Variants in EIF3G observed in about 807,000 individuals in gnomAD.
EIF3G encodes the protein eukaryotic translation initiation factor 3 RNA-binding subunit.
A neutral mutation model predicts 41.7 loss-of-function variants in EIF3G; 10 were observed. The observed-to-expected ratio is 0.24, with a 90% CI of 0.15 to 0.41. The LOEUF is 0.41. Among genes scored for constraint, EIF3G ranks in the 10% least tolerant of loss-of-function variants. EIF3G has a pLI of 1.00. For missense variants in EIF3G, 297 were observed against 444.0 expected (o/e 0.67, Z 2.98); for synonymous variants, 204 against 172.5 (o/e 1.18, Z -1.43).
intron 2 of EIF3G, 52 bp from the exon 3 acceptor site, chr19:10,119,223 C>A: frequency 6.5e-7 from 1 of 1,539,688 alleles, no homozygotes; most frequent in East Asian, 2.4e-5. Flanking sequence ...CAGGAGCTCC[C>A]CAGCTGCGAT....
Position 10,118,737 on chromosome 19 carries a change from G to A in EIF3G, c.241-10C>T, listed in dbSNP as rs2089280212. On this transcript the variant is annotated splice_polypyrimidine_tract_variant and intron_variant, in intron 4 of 10. Coordinates refer to ENST00000253108, the MANE Select transcript of EIF3G (RefSeq NM_003755.5). The stretch of plus-strand genomic sequence containing the variant: ...TGAAGGTGCGGACAATCTGAGGATG[G>A]GAGGGGAGAAGGGTCAGGCTCCTGG... 1 of 1,613,674 alleles carries A rather than the reference G, an allele frequency of 6.2e-7. No individual in the cohort carries two copies. The highest frequency in any genetic ancestry group is 1.3e-5 in the African/African-American group (1 of 74,862).
intron 10 of EIF3G, 74 bp from the exon 11 acceptor site, chr19:10,115,203 TGGG>T (rs1599324152): frequency 3.2e-6 from 5 of 1,565,680 alleles, no homozygotes; most frequent in African/African-American, 2.7e-5. Flanking sequence ...AGTGGCATCT[TGGG>T]GGTGGGTGGG....
Position 10,115,462 on chromosome 19 carries a change from C to A in EIF3G, c.947+17G>T. On this transcript the variant is annotated intron_variant, in intron 10 of 10. Coordinates refer to ENST00000253108, the MANE Select transcript of EIF3G (RefSeq NM_003755.5). ...ACAAGGCAGGGAGCAGGGGCTGGGGCAGGGATGGAGTCTTACTTGGCCCAC... is the reference window on the plus strand; with the variant it reads ...ACAAGGCAGGGAGCAGGGGCTGGGGAAGGGATGGAGTCTTACTTGGCCCAC... The A allele has an allele frequency of 6.3e-7, 1 of 1,594,620 alleles. No individual in the cohort carries two copies. Among genetic ancestry groups the A allele is most frequent in the Non-Finnish European group, 8.6e-7 (1 of 1,168,292 alleles).
At chr19:10,119,605 C>T in intron 2 of EIF3G, 49 bp downstream of exon 2, 2 of 1,552,780 alleles carry the variant, frequency 1.3e-6, no homozygotes, top group South Asian at 1.2e-5. Context: ...GCGGCAGTCA[C>T]ACGGCTTGGG....
At chr19:10,117,529 T>C in intron 5 of EIF3G, 3 of 261,248 alleles carry the variant, frequency 1.1e-5, no homozygotes, top group Non-Finnish European at 2.2e-5. Flanking sequence ...CTAGACAACC[T>C]GAGCCTCAGC....
chr19:10,119,327 G>A, intron 2 of EIF3G, 156 bp from the exon 3 acceptor site: 1 of 900,392 alleles, frequency 1.1e-6, no homozygotes. Flanking sequence ...ATGGCCCTGT[G>A]GGGACTCGGA....
Position 10,115,104 on chromosome 19 carries a change from G to A in EIF3G, c.*10C>T, listed in dbSNP as rs1043260239. The A allele has an allele frequency of 6.2e-7, 1 of 1,614,046 alleles. No individual in the cohort carries two copies. The highest frequency in any genetic ancestry group is 1.7e-5 in the Admixed American group (1 of 60,022). On this transcript the variant is annotated 3_prime_UTR_variant, in exon 11 of 11. Coordinates refer to ENST00000253108, the MANE Select transcript of EIF3G (RefSeq NM_003755.5). ...AAGGGTCCCGGACCGAGTACACAGT[G>A]GCAGCTGGCTTAGTTGGTGGACGGC... is the stretch of plus-strand genomic sequence containing the variant.
chr19:10,116,657 C>A lies in EIF3G; in HGVS notation c.595+143G>T. 1.2e-6 allele frequency: 1 copy of A among 806,196 alleles called. No individual in the cohort carries two copies. The highest frequency in any genetic ancestry group is 2.0e-5 in the South Asian group (1 of 50,930). 49.9% of individuals were successfully genotyped at this position (806,196 alleles called of 1,614,324 possible). A position where few individuals can be genotyped will look rare whatever the true frequency, so the allele number is the denominator to read the frequency against. ...GCCCGTCTCCCAACCATAGGAGGTA[C>A]AGCCAATTAGGAAGGCACAGACGCC... is the stretch of plus-strand genomic sequence containing the variant. On this transcript the variant is annotated intron_variant, in intron 7 of 10. Transcript: ENST00000253108. The surrounding 1 kb of genome is among the most constrained non-coding windows in gnomAD (Gnocchi z 4.1).
chr19:10,115,159 A>G lies in EIF3G; in HGVS notation c.948-30T>C, dbSNP rs746610226. On this transcript the variant is annotated intron_variant, in intron 10 of 10. Coordinates refer to ENST00000253108, the MANE Select transcript of EIF3G (RefSeq NM_003755.5). ...GGTAGGGGAGGGTGGCAGGTATAAGACTTCTGGGGGCACCCCAAGACCCCA... is the reference window on the plus strand; with the variant it reads ...GGTAGGGGAGGGTGGCAGGTATAAGGCTTCTGGGGGCACCCCAAGACCCCA... 5.6e-6 allele frequency: 9 copies of G among 1,612,190 alleles called. No homozygotes were observed. In the African/African-American group the frequency reaches 1.1e-4, roughly 19 times the overall value.
rs183545591 is a variant in EIF3G at position 10,115,023 on chromosome 19, T to C, written c.*91A>G. 1.9e-6 allele frequency: 3 copies of C among 1,571,868 alleles called. No individual in the cohort carries two copies. The highest frequency in any genetic ancestry group is 1.4e-5 in the African/African-American group (1 of 74,054). Reference sequence around the variant, plus strand: ...AACAAAAAGAACCAAGTAGAGAGAGTGGAGCTGCTTTATTGCCCTTGGAGC... The same window carrying C: ...AACAAAAAGAACCAAGTAGAGAGAGCGGAGCTGCTTTATTGCCCTTGGAGC... On this transcript the variant is annotated 3_prime_UTR_variant, in exon 11 of 11. Transcript: ENST00000253108.
rs1568494996 is a variant in EIF3G at position 10,116,345 on chromosome 19, A to G, written c.596-271T>C. ...AGGACAACAGGGGCAGCAGCCTCAC[A>G]TGCACAGCAACGGCAGACATGGGAC... On this transcript the variant is annotated intron_variant, in intron 7 of 10. Coordinates refer to ENST00000253108, the MANE Select transcript of EIF3G (RefSeq NM_003755.5). This position sits in a 1 kb window ranked among gnomAD's most constrained non-coding sequence, Gnocchi z 4.1. The G allele has an allele frequency of 9.1e-6, 5 of 549,918 alleles. No individual in the cohort carries two copies. Among genetic ancestry groups the G allele is most frequent in the East Asian group, 3.1e-5 (1 of 32,300 alleles). The allele number at this position is 549,918 out of a possible 1,614,324, so 34.1% of individuals were successfully genotyped here. A position where few individuals can be genotyped will look rare whatever the true frequency, so the allele number is the denominator to read the frequency against.
chr19:10,119,732 T>G, intron 1 of EIF3G, 32 bp from the exon 2 acceptor site: 1 of 1,612,552 alleles, frequency 6.2e-7, no homozygotes, highest in Non-Finnish European at 8.5e-7. Flanking sequence ...GAACGAAGAT[T>G]AAGTCAGCCA....
intron 5 of EIF3G, 52 bp downstream of exon 5, chr19:10,118,616 G>A (rs1477953978): frequency 1.3e-5 from 20 of 1,597,820 alleles, no homozygotes; most frequent in Non-Finnish European, 1.5e-5. Flanking sequence ...CAAAGTCCGG[G>A]AGCACGGTTT....
chr19:10,115,422 C>T (rs565920145), intron 10 of EIF3G, 57 bp downstream of exon 10: 42 of 1,542,100 alleles, frequency 2.7e-5, no homozygotes, highest in East Asian at 4.5e-5. Context: ...CCCAACACTC[C>T]GTGAAGGTGC....
rs369991918 is a variant in EIF3G at position 10,118,293 on chromosome 19, C to T, written c.300+375G>A. ...ACAAAGAGGTAAGCCTGGCCGGGTG[C>T]GATGGCTCACACCTGTAATCCCAAC... On this transcript the variant is annotated intron_variant, in intron 5 of 10. Transcript: ENST00000253108. The T allele has an allele frequency of 3.2e-4, 81 of 254,686 alleles. 1 individual carries two copies. The South Asian group carries it at 3.2e-3, about 10-fold the overall frequency. 15.8% of individuals were successfully genotyped at this position (254,686 alleles called of 1,614,324 possible).
rs764612754 is a variant in EIF3G at position 10,119,098 on chromosome 19, TAGC to T, written c.138_140del (p.Leu48del). On this transcript the variant is annotated inframe_deletion, in exon 3 of 11. Coordinates refer to ENST00000253108, the MANE Select transcript of EIF3G (RefSeq NM_003755.5). ...GCAGTCCTCACTCACCTCCCGGCAG[TAGC>T]TCTGGCTCTGGGCTGGTGTCACCTG... 12 of 1,578,122 alleles carry T rather than the reference TAGC, an allele frequency of 7.6e-6. No individual in the cohort carries two copies. The highest frequency in any genetic ancestry group is 8.6e-6 in the Non-Finnish European group (10 of 1,157,742).
intron 8 of EIF3G, 51 bp downstream of exon 8, chr19:10,115,916 G>A (rs767456129): frequency 2.6e-5 from 41 of 1,604,912 alleles, no homozygotes; most frequent in African/African-American, 2.7e-5. Context: ...GGATAATTAC[G>A]AGGTGCCGGG....
At chr19:10,117,282 T>C (rs1394752287) in intron 5 of EIF3G, 94 bp from the exon 6 acceptor site, 2 of 865,282 alleles carry the variant, frequency 2.3e-6, no homozygotes, top group Admixed American at 2.5e-5. Flanking sequence ...ACCCCCAGAG[T>C]GTCTGGGCCT....
At position 10,115,085 on chromosome 19, in the gene EIF3G, C is replaced by A. The variant is rs755145968; in HGVS notation, c.*29G>T. On this transcript the variant is annotated 3_prime_UTR_variant, in exon 11 of 11. Coordinates refer to ENST00000253108, the MANE Select transcript of EIF3G (RefSeq NM_003755.5). Reference sequence around the variant, plus strand: ...GAGGCTGTCTTCTGTCGCCAAGGGTCCCGGACCGAGTACACAGTGGCAGCT... The same window carrying A: ...GAGGCTGTCTTCTGTCGCCAAGGGTACCGGACCGAGTACACAGTGGCAGCT... 27 of 1,613,674 alleles carry A rather than the reference C, an allele frequency of 1.7e-5. No homozygotes were observed. Among genetic ancestry groups the A allele is most frequent in the Admixed American group, 3.3e-5 (2 of 59,988 alleles).
Sources: gnomAD v4.1 joint callset for allele counts on GRCh38, gnomAD v4.1.1 for gene constraint, Gnocchi (gnomAD v3.1) non-coding constraint, MANE v1.5 for transcripts, NCBI Gene and HGNC (gene_info 2026-07-23, HGNC 2026-07-21) for gene names.